GSG1: variants seen among roughly 807,000 people sequenced by gnomAD.
GSG1 encodes the protein germ cell-specific gene 1 protein.
In GSG1, 28 loss-of-function variants were observed where a neutral mutation model predicts 30.8. The ratio of observed to expected loss-of-function variants is 0.91; its 90% CI spans 0.67 to 1.25. The LOEUF (loss-of-function observed/expected upper bound fraction) is 1.25. GSG1 is among the 50% of genes most tolerant of loss of function. The probability of loss-of-function intolerance (pLI) is 0.00; values close to 1 mark genes in which losing one functional copy is unlikely to be tolerated. For missense variants in GSG1, 435 were observed against 444.7 expected (o/e 0.98, Z 0.20); for synonymous variants, 162 against 178.0 (o/e 0.91, Z 0.71).
intron 6 of GSG1, 80 bp downstream of exon 6, chr12:13,087,072 G>A (rs574297124): frequency 1.8e-5 from 16 of 894,054 alleles, no homozygotes; most frequent in African/African-American, 3.2e-5. Flanking sequence ...GGGCTTCACC[G>A]AATAAGCATC....
chr12:13,084,865 T>C lies in GSG1; in HGVS notation c.*36A>G. On this transcript the variant is annotated 3_prime_UTR_variant, in exon 7 of 7. Coordinates refer to ENST00000651961, the MANE Select transcript of GSG1 (RefSeq NM_001080555.4). ...GTTGATAATCAGCAGACGTGTAAGG[T>C]AGGGCTCAAGCCTACTCCCCAAACC... 2 of 1,361,984 alleles carry C rather than the reference T, an allele frequency of 1.5e-6. No homozygotes were observed. Among genetic ancestry groups the C allele is most frequent in the East Asian group, 5.0e-5 (2 of 39,660 alleles). The allele number at this position is 1,361,984 out of a possible 1,614,324, so 84.4% of individuals were successfully genotyped here. A position where few individuals can be genotyped will look rare whatever the true frequency, so the allele number is the denominator to read the frequency against.
intron 1 of GSG1, among the ~76,000 whole-genome samples, chr12:13,098,801 T>C (rs1380415270): frequency 1.3e-5 from 2 of 152,106 alleles, no homozygotes; most frequent in Non-Finnish European, 2.9e-5. Flanking sequence ...TGTGCCTTAA[T>C]AGCCTGAAGT....
Position 13,084,954 on chromosome 12 carries a change from T to C in GSG1, c.1036A>G (p.Ser346Gly), listed in dbSNP as rs1350185612. ...LRNKGFQRGASQELKEAVRSS... is the reference protein window; with the variant it reads ...LRNKGFQRGAGQELKEAVRSS... The stretch of plus-strand genomic sequence containing the variant: ...CTAACTGCTTCTTTCAGCTCCTGGC[T>C]GGCCCCTCTTTGAAATCCCTTGTTC... Residue 346 changes from serine to glycine, a missense_variant, in exon 7 of 7, where the codon AGC becomes GGC. Physicochemically the swap from Ser to Gly is moderately conservative, Grantham distance 56. Coordinates refer to ENST00000651961, the MANE Select transcript of GSG1 (RefSeq NM_001080555.4). 1 of 1,551,878 alleles carries C rather than the reference T, an allele frequency of 6.4e-7. No homozygotes were observed.
chr12:13,095,564 G>T (rs1403190743), intron 1 of GSG1: 2 of 1,592,632 alleles, frequency 1.3e-6, no homozygotes. Context: ...GCTGTAGACT[G>T]CATCCTTTGA....
chr12:13,103,438 A>G (rs555507528), intron 1 of GSG1, 27 bp downstream of exon 1: 3 of 1,551,124 alleles, frequency 1.9e-6, no homozygotes, highest in Non-Finnish European at 2.7e-6. Flanking sequence ...TGAGATGTTC[A>G]TGAGATTTCA....
intron 1 of GSG1, among the ~76,000 whole-genome samples, chr12:13,091,349 G>A (rs1235647664): frequency 6.6e-6 from 1 of 152,194 alleles, no homozygotes. Context: ...AGAAATGCAC[G>A]CTCAGAGAGG....
intron 3 of GSG1, 138 bp from the exon 4 acceptor site, chr12:13,089,047 A>G: frequency 7.7e-7 from 1 of 1,292,966 alleles, no homozygotes; most frequent in Non-Finnish European, 1.1e-6. Flanking sequence ...GCAGGAAAGA[A>G]TGCCTGGGTG....
chr12:13,103,138 A>G (rs1160113474), intron 1 of GSG1, among the ~76,000 whole-genome samples: 2 of 152,240 alleles, frequency 1.3e-5, no homozygotes, highest in Non-Finnish European at 2.9e-5. Flanking sequence ...ATGCAGATGA[A>G]AGGAAAAAAG....
chr12:13,092,529 G>A (rs894127486), intron 1 of GSG1, among the ~76,000 whole-genome samples: 1 of 152,328 alleles, frequency 6.6e-6, no homozygotes, highest in Non-Finnish European at 1.5e-5. Context: ...AGGCTTGGAA[G>A]GGCTTCAAGG....
In GSG1 at chr12:13,101,396, T is replaced by C. The variant is rs1312714884; in HGVS notation, c.48+2069A>G. Among the ~76,000 whole-genome samples, 3 of 152,186 alleles carry C rather than the reference T, an allele frequency of 2.0e-5. No individual in the cohort carries two copies. The highest frequency in any genetic ancestry group is 1.5e-5 in the Non-Finnish European group (1 of 68,002). On this transcript the variant is annotated intron_variant, in intron 1 of 6. Transcript: ENST00000651961. This position sits in a 1 kb window ranked among gnomAD's most constrained non-coding sequence, Gnocchi z 5.8. ...CCGCCCCGCGGCCGCCAACCACCCA[T>C]GGCTTCCTGACCGGGTCGGGCGGGG...
chr12:13,093,086 C>T lies in GSG1; in HGVS notation c.49-2268G>A, dbSNP rs1211623118. On this transcript the variant is annotated intron_variant, in intron 1 of 6. Coordinates refer to ENST00000651961, the MANE Select transcript of GSG1 (RefSeq NM_001080555.4). This position sits in a 1 kb window ranked among gnomAD's most constrained non-coding sequence, Gnocchi z 4.6. ...GCTGGGATTACAGGCGTTAAGCCAC[C>T]ACGCCTGGCCGGTTATATAAGCTTT... 6.6e-6 allele frequency among the ~76,000 whole-genome samples: 1 copy of T among 151,706 alleles called. No homozygotes were observed. Among genetic ancestry groups the T allele is most frequent in the Admixed American group, 6.6e-5 (1 of 15,258 alleles).
intron 3 of GSG1, 97 bp from the exon 4 acceptor site, chr12:13,089,006 T>A (rs1865830359): frequency 6.9e-7 from 1 of 1,446,364 alleles, no homozygotes; most frequent in African/African-American, 1.4e-5. Context: ...CCCTCTGCTC[T>A]GACAGCACCT....
Position 13,103,613 on chromosome 12 carries a change from C to G in GSG1, c.-101G>C. 7.7e-7 allele frequency: 1 copy of G among 1,298,752 alleles called. No individual in the cohort carries two copies. The highest frequency in any genetic ancestry group is 1.1e-6 in the Non-Finnish European group (1 of 901,562). 80.5% of individuals were successfully genotyped at this position (1,298,752 alleles called of 1,614,324 possible). On this transcript the variant is annotated 5_prime_UTR_variant, in exon 1 of 7. Coordinates refer to ENST00000651961, the MANE Select transcript of GSG1 (RefSeq NM_001080555.4). ...GTTTAGCGTGAGGATGAATCAGGTC[C>G]CCTCTTGCCAGCAGAGGGGTAAGGT... is the stretch of plus-strand genomic sequence containing the variant.
chr12:13,095,625 T>C (rs1267261729), intron 1 of GSG1: 12 of 1,614,092 alleles, frequency 7.4e-6, no homozygotes, highest in Middle Eastern at 1.6e-4. Context: ...GTCTTGCAGC[T>C]TGTCTGGAAG....
chr12:13,103,404 A>G, intron 1 of GSG1, 61 bp downstream of exon 1: 1 of 1,256,928 alleles, frequency 8.0e-7, no homozygotes, highest in Non-Finnish European at 1.2e-6. Flanking sequence ...CTGTGTTACA[A>G]ATCCAGCAGT....
intron 1 of GSG1, among the ~76,000 whole-genome samples, chr12:13,100,070 A>G (rs1054813737): frequency 3.5e-4 from 54 of 152,224 alleles, no homozygotes; most frequent in Admixed American, 3.5e-3. Context: ...AAGTTGCTTG[A>G]TATAGTAGCA....
At position 13,084,324 on chromosome 12, in the gene GSG1, ACT is replaced by A. The variant is rs771802963; in HGVS notation, c.*575_*576del. ...TGTTGGCGCCTTCTCATGTTAAACC[ACT>A]CTCCTAAGGGCTCCTGGGACAATAT... On this transcript the variant is annotated 3_prime_UTR_variant, in exon 7 of 7. Transcript: ENST00000651961. 2 of 152,004 alleles carry A rather than the reference ACT, an allele frequency of 1.3e-5. No individual in the cohort carries two copies. Among genetic ancestry groups the A allele is most frequent in the Non-Finnish European group, 2.9e-5 (2 of 68,164 alleles). The allele number at this position is 152,004 out of a possible 1,614,324, so 9.4% of individuals were successfully genotyped here. A position where few individuals can be genotyped will look rare whatever the true frequency, so the allele number is the denominator to read the frequency against.
At chr12:13,095,548 A>C (rs1188174152) in intron 1 of GSG1, 2 of 1,567,894 alleles carry the variant, frequency 1.3e-6, no homozygotes, top group Admixed American at 1.7e-5. Context: ...AGCCAGGTAC[A>C]AAATAGCTGT....
chr12:13,097,171 T>G (rs562837379), intron 1 of GSG1, among the ~76,000 whole-genome samples: 3 of 152,338 alleles, frequency 2.0e-5, no homozygotes, highest in African/African-American at 7.2e-5. Flanking sequence ...AAACCCTGCA[T>G]GGACTTTCAT....
Sources: allele counts gnomAD v4.1 joint callset (sites outside exome capture counted in the v4.1 genomes callset), GRCh38; gene constraint gnomAD v4.1.1; non-coding constraint Gnocchi (gnomAD v3.1); transcripts MANE v1.5; gene names NCBI Gene and HGNC (gene_info 2026-07-23, HGNC 2026-07-21).